SCNN1A: variants seen among roughly 807,000 people sequenced by gnomAD.
The protein encoded by SCNN1A is sodium channel epithelial 1 subunit alpha.
A neutral mutation model predicts 68.6 loss-of-function variants in SCNN1A; 65 were observed. That is an observed-to-expected ratio of 0.95 (90% confidence interval 0.78 to 1.16). The LOEUF is 1.16. SCNN1A is among the 50% of genes most tolerant of loss of function. The probability of loss-of-function intolerance (pLI) is 0.00; values close to 1 mark genes in which losing one functional copy is unlikely to be tolerated. For synonymous variants in SCNN1A, 357 were observed against 353.3 expected (o/e 1.01, Z -0.12); for missense variants, 880 against 865.9 (o/e 1.02, Z -0.20).
At chr12:6,365,843 A>C (rs1051621712) in intron 2 of SCNN1A, among the ~76,000 whole-genome samples, 4 of 152,332 alleles carry the variant, frequency 2.6e-5, no homozygotes, top group Admixed American at 1.3e-4. Context: ...AACCGTATGT[A>C]GTAGGCACTT....
chr12:6,348,874 T>C (rs1451224462), intron 11 of SCNN1A, 72 bp from the exon 12 acceptor site: 2 of 1,602,994 alleles, frequency 1.2e-6, no homozygotes, highest in Non-Finnish European at 1.7e-6. Flanking sequence ...TAATCAACCA[T>C]ATCGATCCCT....
At position 6,374,322 on chromosome 12, in the gene SCNN1A, C is replaced by G. The variant is rs573954437; in HGVS notation, c.416+46G>C. On this transcript the variant is annotated intron_variant, in intron 2 of 12. Coordinates refer to ENST00000228916, the MANE Select transcript of SCNN1A (RefSeq NM_001038.6). This position sits in a 1 kb window ranked among gnomAD's most constrained non-coding sequence, Gnocchi z 6.2. ...TGAGCACCTCAGCACCCTGGACCACCCTTCCAGGCGCAGGCACCAGGGAAG... is the reference window on the plus strand; with the variant it reads ...TGAGCACCTCAGCACCCTGGACCACGCTTCCAGGCGCAGGCACCAGGGAAG... 2.5e-5 allele frequency: 40 copies of G among 1,603,094 alleles called. No individual in the cohort carries two copies. Among genetic ancestry groups the G allele is most frequent in the African/African-American group, 8.0e-5 (6 of 74,870 alleles).
chr12:6,366,385 G>A (rs568552485), intron 2 of SCNN1A, among the ~76,000 whole-genome samples: 86 of 152,250 alleles, frequency 5.6e-4, no homozygotes, highest in African/African-American at 1.8e-3. Flanking sequence ...TAGCCAAAAA[G>A]TAGAAATAAC....
At chr12:6,377,271 C>T (rs778939157), upstream of SCNN1A, 1 of 1,550,746 alleles carries the variant, frequency 6.4e-7, no homozygotes, top group Admixed American at 2.0e-5. Context: ...GCTCATGATA[C>T]CTCCCCTTGG....
At chr12:6,375,810 T>C, upstream of SCNN1A, 5 of 1,359,498 alleles carry the variant, frequency 3.7e-6, no homozygotes, top group Non-Finnish European at 4.7e-6. Flanking sequence ...AGCCCACAGC[T>C]AGGAGGGCAA....
At chr12:6,366,276 A>G (rs1948678272) in intron 2 of SCNN1A, among the ~76,000 whole-genome samples, 1 of 152,194 alleles carries the variant, frequency 6.6e-6, no homozygotes, top group Non-Finnish European at 1.5e-5. Context: ...GAGTTACCAT[A>G]TAACCCATCC....
Position 6,363,457 on chromosome 12 carries a change from T to TCTTCCAGTC in SCNN1A, c.661_669dup (p.Asp221_Lys223dup), listed in dbSNP as rs1290235475. The TCTTCCAGTC allele has an allele frequency of 6.3e-7, 1 of 1,592,786 alleles. No homozygotes were observed. Among genetic ancestry groups the TCTTCCAGTC allele is most frequent in the Non-Finnish European group, 8.5e-7 (1 of 1,171,468 alleles). The stretch of plus-strand genomic sequence containing the variant: ...GCGGGCCTCACCAGCTGGAAGCCGA[T>TCTTCCAGTC]CTTCCAGTCCTTCCAGTCCACCTGG... On this transcript the variant is annotated inframe_insertion, in exon 3 of 13. Transcript: ENST00000228916.
In SCNN1A at chr12:6,354,013, G is replaced by A. The variant is rs903059431; in HGVS notation, c.1360+425C>T. On this transcript the variant is annotated intron_variant, in intron 8 of 12. Coordinates refer to ENST00000228916, the MANE Select transcript of SCNN1A (RefSeq NM_001038.6). The stretch of plus-strand genomic sequence containing the variant: ...AGGGAGGCCGAGGCGGGTGGATCAT[G>A]AGGTCAGGAGATTGAGACCATCCTG... 1.1e-4 allele frequency: 20 copies of A among 186,824 alleles called. 1 individual carries two copies. The highest frequency in any genetic ancestry group is 4.7e-4 in the African/African-American group (20 of 42,106). 11.6% of individuals were successfully genotyped at this position (186,824 alleles called of 1,614,324 possible).
In SCNN1A at chr12:6,374,844, G is replaced by A. The variant is rs1307927759; in HGVS notation, c.-54-7C>T. On this transcript the variant is annotated splice_region_variant and splice_polypyrimidine_tract_variant and intron_variant, in intron 1 of 12. Transcript: ENST00000228916. The surrounding 1 kb of genome is among the most constrained non-coding windows in gnomAD (Gnocchi z 6.2). The stretch of plus-strand genomic sequence containing the variant: ...GCTCCTCCAGCTTGTTCCCCTTCAT[G>A]AGCCCCGGAGTGGATTGGGGAGAGC... 1 of 1,613,948 alleles carries A rather than the reference G, an allele frequency of 6.2e-7. No homozygotes were observed. The highest frequency in any genetic ancestry group is 8.5e-7 in the Non-Finnish European group (1 of 1,180,024).
intron 2 of SCNN1A, among the ~76,000 whole-genome samples, chr12:6,365,529 A>G (rs1948661604): frequency 6.6e-6 from 1 of 152,254 alleles, no homozygotes; most frequent in Non-Finnish European, 1.5e-5. Context: ...AATAGAATAG[A>G]GTCCAGAAAT....
In SCNN1A at chr12:6,363,695, T is replaced by C; in HGVS notation, c.432A>G (p.Lys144=). The change falls in exon 3 of 13, where the codon AAA becomes AAG. Residue 144 remains lysine, a synonymous_variant. Coordinates refer to ENST00000228916, the MANE Select transcript of SCNN1A (RefSeq NM_001038.6). ...TLNPYRYPEI[K]EELEELDRIT... is the part of the protein sequence containing the mutation. Reference sequence around the variant, plus strand: ...TGCGGTCCAGCTCCTCCAGCTCCTCTTTAATTTCCGGGTACCTGAAGGGGC... The same window carrying C: ...TGCGGTCCAGCTCCTCCAGCTCCTCCTTAATTTCCGGGTACCTGAAGGGGC... 1 of 1,600,572 alleles carries C rather than the reference T, an allele frequency of 6.2e-7. No individual in the cohort carries two copies.
intron 3 of SCNN1A, among the ~76,000 whole-genome samples, 200 bp from the exon 4 acceptor site, chr12:6,362,441 T>A (rs1052913066): frequency 1.3e-5 from 2 of 151,584 alleles, no homozygotes; most frequent in Non-Finnish European, 2.9e-5. Context: ...ATTAAGGGAG[T>A]TGCAGGCCAG....
intron 3 of SCNN1A, 74 bp from the exon 4 acceptor site, chr12:6,362,315 A>C: frequency 2.3e-6 from 3 of 1,297,960 alleles, no homozygotes; most frequent in Non-Finnish European, 3.4e-6. Flanking sequence ...AGGGCAAAGA[A>C]TGAGTGATCT....
chr12:6,353,772 G>A (rs1161297314), intron 8 of SCNN1A: 1 of 127,188 alleles, frequency 7.9e-6, no homozygotes, highest in Non-Finnish European at 1.6e-5. Flanking sequence ...TGTATTTTTA[G>A]TAGAGACGGG....
rs1268746662 is a variant in SCNN1A at position 6,347,502 on chromosome 12, G to C, written c.*371C>G. ...GGGCAGGAAACCCGTGCATGCCTGCGTGTACCCTTGGTTGTGTTTTGTCCT... is the reference window on the plus strand; with the variant it reads ...GGGCAGGAAACCCGTGCATGCCTGCCTGTACCCTTGGTTGTGTTTTGTCCT... On this transcript the variant is annotated 3_prime_UTR_variant, in exon 13 of 13. Coordinates refer to ENST00000228916, the MANE Select transcript of SCNN1A (RefSeq NM_001038.6). The C allele has an allele frequency of 1.1e-5, 3 of 281,684 alleles. No homozygotes were observed. In the Admixed American group the frequency reaches 1.4e-4, roughly 13 times the overall value. The allele number at this position is 281,684 out of a possible 1,614,324, so 17.4% of individuals were successfully genotyped here.
chr12:6,362,115 C>T lies in SCNN1A; in HGVS notation c.811G>A (p.Glu271Lys), dbSNP rs375898173. The change falls in exon 4 of 13, where the codon GAG becomes AAG. Residue 271 changes from glutamate to lysine, a missense_variant. Physicochemically the swap from Glu to Lys is moderately conservative, Grantham distance 56. Around this residue, in one of 3 missense-constraint regions of SCNN1A, gnomAD observed 758 missense variants for 721.8 expected, o/e 1.05. Coordinates refer to ENST00000228916, the MANE Select transcript of SCNN1A (RefSeq NM_001038.6). Reference sequence around the variant, plus strand: ...ATGAAGTTGCCCAGCGTGTCCTCCTCCAGGGATGGCAGAGTCTCTGGCAGC... The same window carrying T: ...ATGAAGTTGCCCAGCGTGTCCTCCTTCAGGGATGGCAGAGTCTCTGGCAGC... ...SRLPETLPSL[E>K]EDTLGNFIFA... 3.1e-5 allele frequency: 50 copies of T among 1,614,098 alleles called. No homozygotes were observed. The highest frequency in any genetic ancestry group is 4.0e-5 in the Non-Finnish European group (47 of 1,180,040).
At chr12:6,371,841 G>A (rs1011901252) in intron 2 of SCNN1A, among the ~76,000 whole-genome samples, 9 of 152,104 alleles carry the variant, frequency 5.9e-5, no homozygotes, top group African/African-American at 2.2e-4. Flanking sequence ...TCACTCTGTG[G>A]CTCAGGCTGG....
At chr12:6,375,292 C>T in intron 1 of SCNN1A, 2 of 1,439,214 alleles carry the variant, frequency 1.4e-6, no homozygotes, top group Non-Finnish European at 1.8e-6. Context: ...CTCTCTTCCT[C>T]TCCCCCCCTT....
intron 2 of SCNN1A, among the ~76,000 whole-genome samples, chr12:6,369,875 G>A (rs563656761): frequency 4.7e-4 from 70 of 150,230 alleles, no homozygotes; most frequent in Non-Finnish European, 7.5e-4. Context: ...CCATGACCCC[G>A]TGATACTAGA....
Sources: allele counts gnomAD v4.1 joint callset (sites outside exome capture counted in the v4.1 genomes callset), GRCh38; gene constraint gnomAD v4.1.1; regional missense constraint gnomAD v4.1.1; non-coding constraint Gnocchi (gnomAD v3.1); transcripts MANE v1.5; gene names NCBI Gene and HGNC (gene_info 2026-07-23, HGNC 2026-07-21).